MAEA: variants seen among roughly 807,000 people sequenced by gnomAD.
MAEA encodes E3 ubiquitin-protein transferase MAEA.
MAEA carries 22 observed loss-of-function variants against 46.2 expected under a neutral mutation model. The ratio of observed to expected loss-of-function variants is 0.48; its 90% CI spans 0.34 to 0.68. MAEA has a LOEUF of 0.68. MAEA is among the 30% of genes least tolerant of loss of function. The pLI is 0.01. For missense variants in MAEA, 393 were observed against 558.1 expected (o/e 0.70, Z 2.98); for synonymous variants, 246 against 222.6 (o/e 1.11, Z -0.94).
chr4:1,322,199 T>C (rs1366896779), intron 3 of MAEA, among the ~76,000 whole-genome samples, 182 bp from the exon 4 acceptor site: 1 of 152,214 alleles, frequency 6.6e-6, no homozygotes, highest in Non-Finnish European at 1.5e-5. Context: ...GGGGCTGTTC[T>C]GTTCCTAGGA....
chr4:1,318,839 C>A lies in MAEA; in HGVS notation c.456+3239C>A, dbSNP rs562699469. ...CTGTGCACCAAAATTGGAGACGTGA[C>A]AAACTTAGGAAAATAACCTCATGCT... is the stretch of plus-strand genomic sequence containing the variant. On this transcript the variant is annotated intron_variant, in intron 3 of 8. Coordinates refer to ENST00000303400, the MANE Select transcript of MAEA (RefSeq NM_001017405.3). Among the ~76,000 whole-genome samples, 11 of 152,266 alleles carry A rather than the reference C, an allele frequency of 7.2e-5. No individual in the cohort carries two copies. The East Asian group carries it at 2.1e-3, about 29-fold the overall frequency.
chr4:1,306,985 G>C (rs1735894696), intron 1 of MAEA, among the ~76,000 whole-genome samples: 1 of 152,080 alleles, frequency 6.6e-6, no homozygotes, highest in Admixed American at 6.5e-5. Flanking sequence ...CCTGCCTGTG[G>C]GTCTTTTTCT....
intron 1 of MAEA, chr4:1,309,825 A>G (rs1736258396): frequency 7.3e-7 from 1 of 1,363,742 alleles, no homozygotes; most frequent in Non-Finnish European, 9.5e-7. Flanking sequence ...GCAGCACACC[A>G]GCTGCCCGGA....
chr4:1,327,507 TGA>T (rs1217110559), intron 4 of MAEA, 118 bp from the exon 5 acceptor site: 1 of 762,374 alleles, frequency 1.3e-6, no homozygotes, highest in Non-Finnish European at 2.4e-6. Flanking sequence ...CCCGTGCCTG[TGA>T]GAGAGGGGTT....
At chr4:1,297,224 C>T (rs961556464) in intron 1 of MAEA, among the ~76,000 whole-genome samples, 2 of 152,226 alleles carry the variant, frequency 1.3e-5, no homozygotes, top group Non-Finnish European at 2.9e-5. Flanking sequence ...GCCGAGAACT[C>T]GGAGGTTTTC....
rs1577168656 is a variant in MAEA at position 1,311,703 on chromosome 4, C to T, written c.70-276C>T. 6.6e-6 allele frequency among the ~76,000 whole-genome samples: 1 copy of T among 152,192 alleles called. No individual in the cohort carries two copies. ...GAAATTTCTTTAACTGTTCGTTATT[C>T]TGGATGAACTTTGGGATTATTTTGT... On this transcript the variant is annotated intron_variant, in intron 1 of 8. Coordinates refer to ENST00000303400, the MANE Select transcript of MAEA (RefSeq NM_001017405.3). This position sits in a 1 kb window ranked among gnomAD's most constrained non-coding sequence, Gnocchi z 4.4.
chr4:1,294,039 G>A (rs897359248), intron 1 of MAEA, among the ~76,000 whole-genome samples: 1 of 152,252 alleles, frequency 6.6e-6, no homozygotes, highest in Non-Finnish European at 1.5e-5. Context: ...GTTGGACCCT[G>A]GTGATGCCGT....
chr4:1,337,219 C>A, intron 7 of MAEA: 1 of 564,948 alleles, frequency 1.8e-6, no homozygotes, highest in South Asian at 2.1e-5. Context: ...CGCGCTTCCT[C>A]TCTCATCATC....
chr4:1,319,828 A>T (rs1026494773), intron 3 of MAEA, among the ~76,000 whole-genome samples: 2 of 152,186 alleles, frequency 1.3e-5, no homozygotes, highest in Admixed American at 6.5e-5. Context: ...GGGCTTCAGA[A>T]AAGAAATCAT....
At chr4:1,310,215 G>C (rs766153054) in intron 1 of MAEA, among the ~76,000 whole-genome samples, 1 of 152,186 alleles carries the variant, frequency 6.6e-6, no homozygotes, top group Non-Finnish European at 1.5e-5. Context: ...GGCCGGTGTC[G>C]GGCTGTGGTG....
chr4:1,334,770 A>G lies in MAEA; in HGVS notation c.765+1905A>G, dbSNP rs562644667. ...ACAGAAGGAAGCATTTTGTTCAGAG[A>G]ATGGCAGAAGCCACCAGAAGCCCAG... is the stretch of plus-strand genomic sequence containing the variant. On this transcript the variant is annotated intron_variant, in intron 6 of 8. Transcript: ENST00000303400. 1.6e-4 allele frequency: 99 copies of G among 624,294 alleles called. No individual in the cohort carries two copies. In the African/African-American group the frequency reaches 1.6e-3, roughly 10 times the overall value. The allele number at this position is 624,294 out of a possible 1,614,324, so 38.7% of individuals were successfully genotyped here. A position where few individuals can be genotyped will look rare whatever the true frequency, so the allele number is the denominator to read the frequency against.
At chr4:1,309,492 G>A in intron 1 of MAEA, 1 of 1,337,590 alleles carries the variant, frequency 7.5e-7, no homozygotes, top group Non-Finnish European at 9.6e-7. Context: ...TGCTGTCTGG[G>A]TCAGCAGCTG....
chr4:1,299,027 G>A lies in MAEA; in HGVS notation c.69+9045G>A, dbSNP rs535970896. 3.9e-5 allele frequency among the ~76,000 whole-genome samples: 6 copies of A among 152,156 alleles called. No homozygotes were observed. The East Asian group carries it at 7.7e-4, about 20-fold the overall frequency. On this transcript the variant is annotated intron_variant, in intron 1 of 8. Transcript: ENST00000303400. ...CTCCCGGGTAACTGGGACCACGGGCGCCTGCTTCCGTGTCTGGCTAATTTT... is the reference window on the plus strand; with the variant it reads ...CTCCCGGGTAACTGGGACCACGGGCACCTGCTTCCGTGTCTGGCTAATTTT...
chr4:1,333,594 C>G (rs1210757165), intron 6 of MAEA, among the ~76,000 whole-genome samples: 1 of 152,144 alleles, frequency 6.6e-6, no homozygotes, highest in Non-Finnish European at 1.5e-5. Context: ...AACCAGGCAC[C>G]CTGTGCTCAG....
rs1712026348 is a variant in MAEA at position 1,332,858 on chromosome 4, C to T, written c.758C>T (p.Pro253Leu). The T allele has an allele frequency of 3.7e-6, 6 of 1,611,192 alleles. No homozygotes were observed. Among genetic ancestry groups the T allele is most frequent in the South Asian group, 1.1e-5 (1 of 90,910 alleles). Residue 253 changes from proline to leucine, a missense_variant, in exon 6 of 9, where the codon CCG becomes CTG. By Grantham distance (98) the Pro-to-Leu change is moderately conservative. Around this residue, in one of 2 missense-constraint regions of MAEA, gnomAD observed 358 missense variants for 537.9 expected, o/e 0.67. Transcript: ENST00000303400. Reference sequence around the variant, plus strand: ...TTCCCGCCCGACACGCACATCTCCCCGTACAAGGTAGGGCGTGCGTCCCTG... The same window carrying T: ...TTCCCGCCCGACACGCACATCTCCCTGTACAAGGTAGGGCGTGCGTCCCTG... The part of the protein sequence containing the change: ...LAFPPDTHIS[P>L]YKDLLDPARW...
chr4:1,296,992 C>G (rs73796057), intron 1 of MAEA, among the ~76,000 whole-genome samples: 23,344 of 152,100 alleles, frequency 0.15, 3,432 homozygotes, highest in East Asian at 0.41. Context: ...TGTCCCCACA[C>G]TGCTGCCCTC....
chr4:1,323,336 C>T (rs899472363), intron 4 of MAEA, among the ~76,000 whole-genome samples: 4 of 152,146 alleles, frequency 2.6e-5, no homozygotes, highest in East Asian at 1.9e-4. Context: ...GCATTGTCAC[C>T]CTAGGGGCTT....
intron 1 of MAEA, among the ~76,000 whole-genome samples, chr4:1,303,357 G>A (rs1009833770): frequency 1.1e-4 from 15 of 137,754 alleles, no homozygotes; most frequent in Admixed American, 3.2e-4. Flanking sequence ...AGCTGAGATC[G>A]CACTACTGCA....
chr4:1,312,883 C>T (rs1460175683), intron 2 of MAEA, among the ~76,000 whole-genome samples: 2 of 152,190 alleles, frequency 1.3e-5, no homozygotes, highest in Non-Finnish European at 2.9e-5. Flanking sequence ...TGAAAATACC[C>T]AATAAACCAT....
Sources: allele counts gnomAD v4.1 joint callset (sites outside exome capture counted in the v4.1 genomes callset), GRCh38; gene constraint gnomAD v4.1.1; regional missense constraint gnomAD v4.1.1; non-coding constraint Gnocchi (gnomAD v3.1); transcripts MANE v1.5; gene names NCBI Gene and HGNC (gene_info 2026-07-23, HGNC 2026-07-21).